Variants in CDR2L observed in about 807,000 individuals in gnomAD.
CDR2L encodes cerebellar degeneration-related protein 2-like.
A neutral mutation model predicts 36.1 loss-of-function variants in CDR2L; 19 were observed. That is an observed-to-expected ratio of 0.53 (90% CI 0.37 to 0.77). The LOEUF (loss-of-function observed/expected upper bound fraction) is 0.77. Ranked by LOEUF, CDR2L falls within the 30% of genes least tolerant of loss-of-function variation. The pLI is 0.00. For missense variants in CDR2L, 575 were observed against 627.2 expected (o/e 0.92, Z 0.89); for synonymous variants, 285 against 280.4 (o/e 1.02, Z -0.16).
intron 1 of CDR2L, among the ~76,000 whole-genome samples, chr17:74,996,392 C>T (rs2039825767): frequency 1.4e-5 from 2 of 144,604 alleles, no homozygotes; most frequent in Admixed American, 1.5e-4. Flanking sequence ...TGCAGTGAGC[C>T]GAGATTGCCC....
At position 75,004,225 on chromosome 17, in the gene CDR2L, T is replaced by G; in HGVS notation, c.*151T>G. The G allele has an allele frequency of 1.5e-6, 1 of 681,934 alleles. No individual in the cohort carries two copies. 42.2% of individuals were successfully genotyped at this position (681,934 alleles called of 1,614,324 possible). A position where few individuals can be genotyped will look rare whatever the true frequency, so the allele number is the denominator to read the frequency against. On this transcript the variant is annotated 3_prime_UTR_variant, in exon 5 of 5. Coordinates refer to ENST00000337231, the MANE Select transcript of CDR2L (RefSeq NM_014603.3). ...CGGAAGCACGCAGCATGTTCCCTGC[T>G]GAGCGGAGGCAGCCCACCTGTCCTG...
At chr17:74,991,231 C>T (rs907271931) in intron 1 of CDR2L, among the ~76,000 whole-genome samples, 59 of 151,106 alleles carry the variant, frequency 3.9e-4, no homozygotes, top group African/African-American at 1.4e-3. Context: ...GGAGAAACCC[C>T]GTCTCTACTA....
Position 74,987,908 on chromosome 17 carries a change from G to T in CDR2L, c.-136G>T. 1 of 366,420 alleles carries T rather than the reference G, an allele frequency of 2.7e-6. No homozygotes were observed. The highest frequency in any genetic ancestry group is 1.4e-4 in the South Asian group (1 of 7,318). The allele number at this position is 366,420 out of a possible 1,614,324, so 22.7% of individuals were successfully genotyped here. ...GGGCTCCCGGCGAGCGGTTGATGGC[G>T]AGGGGGCGCGGCGCGGGCTCTGTAG... On this transcript the variant is annotated 5_prime_UTR_variant, in exon 1 of 5. Coordinates refer to ENST00000337231, the MANE Select transcript of CDR2L (RefSeq NM_014603.3).
At chr17:74,991,580 G>GGTGGCGGGCGCA (rs1475958475) in intron 1 of CDR2L, among the ~76,000 whole-genome samples, 1 of 151,998 alleles carries the variant, frequency 6.6e-6, no homozygotes, top group East Asian at 1.9e-4. Flanking sequence ...AGCCGGGCGC[G>GGTGGCGGGCGCA]GTGGCGGGCG....
In CDR2L at chr17:75,004,036, A is replaced by G. The variant is rs1298400601; in HGVS notation, c.1360A>G (p.Ile454Val). ...FSRIQKTKAD[I>V]NATKVKTHSS... Reference sequence around the variant, plus strand: ...CAGGATCCAGAAGACCAAGGCTGACATCAACGCCACCAAAGTCAAGACGCA... The same window carrying G: ...CAGGATCCAGAAGACCAAGGCTGACGTCAACGCCACCAAAGTCAAGACGCA... The change falls in exon 5 of 5, where the codon ATC becomes GTC. Residue 454 changes from isoleucine to valine, a missense_variant. Coordinates refer to ENST00000337231, the MANE Select transcript of CDR2L (RefSeq NM_014603.3). 1.2e-6 allele frequency: 2 copies of G among 1,611,078 alleles called. No individual in the cohort carries two copies. Among genetic ancestry groups the G allele is most frequent in the Non-Finnish European group, 1.7e-6 (2 of 1,178,874 alleles).
At chr17:74,996,616 T>A (rs1007794601) in intron 1 of CDR2L, among the ~76,000 whole-genome samples, 3 of 152,066 alleles carry the variant, frequency 2.0e-5, no homozygotes, top group Non-Finnish European at 4.4e-5. Context: ...TCCTTCTCTC[T>A]ACCCGCCCAT....
intron 1 of CDR2L, among the ~76,000 whole-genome samples, chr17:74,996,457 AAAG>A (rs2039826468): frequency 6.6e-6 from 1 of 151,182 alleles, no homozygotes. Context: ...AAAAAAAAAA[AAAG>A]AAACAAAAAA....
rs997775780 is a variant in CDR2L at position 74,989,608 on chromosome 17, T to C, written c.79+1486T>C. On this transcript the variant is annotated intron_variant, in intron 1 of 4. Transcript: ENST00000337231. The surrounding 1 kb of genome is among the most constrained non-coding windows in gnomAD (Gnocchi z 4.2). The stretch of plus-strand genomic sequence containing the variant: ...CTGGCAGGTGAAGGAGGCAGGCTTG[T>C]AACTAAGTGTAGGTGGCACAGTATT... 1.3e-5 allele frequency among the ~76,000 whole-genome samples: 2 copies of C among 152,156 alleles called. No homozygotes were observed. The highest frequency in any genetic ancestry group is 1.3e-4 in the Admixed American group (2 of 15,254).
Position 74,988,269 on chromosome 17 carries a change from G to A in CDR2L, c.79+147G>A, listed in dbSNP as rs2039775946. 7.7e-6 allele frequency: 4 copies of A among 519,108 alleles called. No homozygotes were observed. The South Asian group carries it at 9.4e-5, about 12-fold the overall frequency. 32.2% of individuals were successfully genotyped at this position (519,108 alleles called of 1,614,324 possible). ...GAGGAGGGACGCGTCTGGAGAACCG[G>A]GACGTGGAGAGAGGGGGCGCTGCCG... On this transcript the variant is annotated intron_variant, in intron 1 of 4. Coordinates refer to ENST00000337231, the MANE Select transcript of CDR2L (RefSeq NM_014603.3).
In CDR2L at chr17:74,988,156, G is replaced by A. The variant is rs1254727315; in HGVS notation, c.79+34G>A. 8.4e-6 allele frequency: 12 copies of A among 1,430,444 alleles called. No homozygotes were observed. In the South Asian group the frequency reaches 1.6e-4, roughly 19 times the overall value. The allele number at this position is 1,430,444 out of a possible 1,614,324, so 88.6% of individuals were successfully genotyped here. On this transcript the variant is annotated intron_variant, in intron 1 of 4. Coordinates refer to ENST00000337231, the MANE Select transcript of CDR2L (RefSeq NM_014603.3). ...GGGGGCGACCGGGACAGGAAGGCGG[G>A]GAGCGCCCGGTGACCCCTGTCCGCT...
At chr17:74,999,327 A>ACACACAC (rs879520803) in intron 1 of CDR2L, among the ~76,000 whole-genome samples, 177 bp from the exon 2 acceptor site, 120 of 98,090 alleles carry the variant, frequency 1.2e-3, no homozygotes, top group African/African-American at 2.0e-3. Context: ...GACACACACA[A>ACACACAC]AAAGAACATT....
chr17:74,993,014 G>A (rs779116241), intron 1 of CDR2L, among the ~76,000 whole-genome samples: 2 of 152,188 alleles, frequency 1.3e-5, no homozygotes, highest in South Asian at 2.1e-4. Context: ...CGACACCCAC[G>A]GCAGGAGGTA....
In CDR2L at chr17:75,003,244, C is replaced by T. The variant is rs756202461; in HGVS notation, c.568C>T (p.Gln190Ter). 6.4e-7 allele frequency: 1 copy of T among 1,563,630 alleles called. No individual in the cohort carries two copies. The highest frequency in any genetic ancestry group is 1.2e-5 in the South Asian group (1 of 84,760). Residue 190 changes from glutamine to a stop codon, truncating the protein, a stop_gained, in exon 5 of 5, where the codon CAG (glutamine) becomes TAG (stop). Transcript: ENST00000337231. LOFTEE classifies it high-confidence loss of function. ...GGAGCTGGGCCCGCGGCCCCTGGAG[C>T]AGGAGAACGAGCGGCTGCAGACCCT... ...SLELGPRPLE[Q>*]ENERLQTLVG...
intron 1 of CDR2L, 71 bp downstream of exon 1, chr17:74,988,193 G>A: frequency 8.5e-7 from 1 of 1,170,268 alleles, no homozygotes; most frequent in Non-Finnish European, 1.2e-6. Flanking sequence ...CTCCATTGTT[G>A]GGCGCTATCA....
At position 75,003,880 on chromosome 17, in the gene CDR2L, C is replaced by T. The variant is rs756642503; in HGVS notation, c.1204C>T (p.Arg402Cys). Residue 402 changes from arginine to cysteine, a missense_variant, in exon 5 of 5, where the codon CGC becomes TGC. By Grantham distance (180) the Arg-to-Cys change is radical (BLOSUM62 -3). Coordinates refer to ENST00000337231, the MANE Select transcript of CDR2L (RefSeq NM_014603.3). Reference protein sequence around the residue: ...ISRDSSWRDLRGGEEGQGEVK... With the variant: ...ISRDSSWRDLCGGEEGQGEVK... ...CCGGGACAGCTCGTGGAGGGACCTG[C>T]GCGGGGGTGAGGAGGGCCAGGGTGA... The T allele has an allele frequency of 1.2e-6, 2 of 1,601,424 alleles. No homozygotes were observed. Among genetic ancestry groups the T allele is most frequent in the South Asian group, 2.3e-5 (2 of 88,758 alleles).
In CDR2L at chr17:75,003,569, C is replaced by T; in HGVS notation, c.893C>T (p.Ala298Val). The change falls in exon 5 of 5, where the codon GCC becomes GTC. Residue 298 changes from alanine (A) to valine (V), a missense_variant. Coordinates refer to ENST00000337231, the MANE Select transcript of CDR2L (RefSeq NM_014603.3). ...PQPGRGDDLG[A>V]QDGVSSPAAS... is the part of the protein sequence containing the mutation. ...CCCGGCCGCGGGGACGACTTGGGCGCCCAGGACGGGGTCTCCTCACCGGCA... is the reference window on the plus strand; with the variant it reads ...CCCGGCCGCGGGGACGACTTGGGCGTCCAGGACGGGGTCTCCTCACCGGCA... 6.6e-7 allele frequency: 1 copy of T among 1,510,636 alleles called. No individual in the cohort carries two copies. The highest frequency in any genetic ancestry group is 8.9e-7 in the Non-Finnish European group (1 of 1,128,172). The allele number at this position is 1,510,636 out of a possible 1,614,324, so 93.6% of individuals were successfully genotyped here.
At chr17:75,001,534 C>G in intron 3 of CDR2L, 45 bp downstream of exon 3, 1 of 1,468,414 alleles carries the variant, frequency 6.8e-7, no homozygotes, top group African/African-American at 1.4e-5. Context: ...GGGAGAGCCC[C>G]AGGGCTGAGT....
intron 1 of CDR2L, among the ~76,000 whole-genome samples, chr17:74,993,468 G>T (rs1350569178): frequency 1.3e-5 from 2 of 152,046 alleles, no homozygotes; most frequent in African/African-American, 4.8e-5. Context: ...AGAGACAGGG[G>T]TCTCACTATG....
chr17:74,995,766 G>T (rs1185063024), intron 1 of CDR2L, among the ~76,000 whole-genome samples: 2 of 152,312 alleles, frequency 1.3e-5, no homozygotes, highest in South Asian at 4.1e-4. Context: ...GCCTCTCAAA[G>T]TGCTGGGATT....
Sources: gnomAD v4.1 joint callset for allele counts (sites outside exome capture counted in the v4.1 genomes callset) on GRCh38, gnomAD v4.1.1 for gene constraint, Gnocchi (gnomAD v3.1) non-coding constraint, MANE v1.5 for transcripts, NCBI Gene and HGNC (gene_info 2026-07-23, HGNC 2026-07-21) for gene names.